ERC2: variants seen among roughly 807,000 people sequenced by gnomAD.
The protein encoded by ERC2 is ELKS/RAB6-interacting/CAST family member 2.
ERC2 carries 42 observed loss-of-function variants against 114.8 expected under a neutral mutation model. The observed-to-expected ratio is 0.37, with a 90% CI of 0.29 to 0.47. ERC2 has a LOEUF of 0.47. ERC2 is among the 20% of genes least tolerant of loss of function. The pLI is 0.99. For synonymous variants in ERC2, 454 were observed against 425.5 expected, an observed-to-expected ratio of 1.07 and a Z score of -0.82; for missense variants, 939 against 1,150.7, an observed-to-expected ratio of 0.82 and a Z score of 2.66.
intron 3 of ERC2, among the ~76,000 whole-genome samples, chr3:56,227,452 T>C (rs116288106): frequency 0.022 from 3,354 of 151,082 alleles, 62 homozygotes; most frequent in Non-Finnish European, 0.034. Context: ...CCCTTTAGCA[T>C]GTGAAGGTCC....
At chr3:56,447,633 A>G (rs2062640663) in intron 1 of ERC2, among the ~76,000 whole-genome samples, 1 of 152,092 alleles carries the variant, frequency 6.6e-6, no homozygotes, top group East Asian at 1.9e-4. Context: ...TAGAGATTAT[A>G]TTATTTACAT....
intron 14 of ERC2, among the ~76,000 whole-genome samples, chr3:55,805,800 T>C (rs2059464986): frequency 6.6e-6 from 1 of 152,138 alleles, no homozygotes; most frequent in Non-Finnish European, 1.5e-5. Flanking sequence ...CTTGATACTT[T>C]CCTCCTAGTC....
intron 1 of ERC2, among the ~76,000 whole-genome samples, chr3:56,439,924 T>C (rs887546243): frequency 6.6e-6 from 1 of 152,210 alleles, no homozygotes; most frequent in African/African-American, 2.4e-5. Flanking sequence ...CCAGGAATTA[T>C]TGAGAATAAT....
intron 2 of ERC2, among the ~76,000 whole-genome samples, chr3:56,372,611 C>T (rs1172699200): frequency 6.6e-6 from 1 of 152,010 alleles, no homozygotes. Flanking sequence ...CCTGTTGTCC[C>T]CCGCTACTCA....
intron 1 of ERC2, among the ~76,000 whole-genome samples, chr3:56,438,688 T>A (rs2107417630): frequency 6.6e-6 from 1 of 152,358 alleles, no homozygotes; most frequent in Admixed American, 6.5e-5. Flanking sequence ...CTAGAAAAAG[T>A]GATGAAATCT....
intron 14 of ERC2, among the ~76,000 whole-genome samples, chr3:55,881,951 G>T (rs1576001812): frequency 6.6e-6 from 1 of 152,160 alleles, no homozygotes; most frequent in East Asian, 1.9e-4. Flanking sequence ...TCCAGCAGAG[G>T]AATAATAACT....
At chr3:56,245,162 A>G (rs1266776411) in intron 3 of ERC2, among the ~76,000 whole-genome samples, 4 of 151,328 alleles carry the variant, frequency 2.6e-5, no homozygotes, top group African/African-American at 9.7e-5. Context: ...TCATTGATAT[A>G]GTACTGTATT....
intron 12 of ERC2, among the ~76,000 whole-genome samples, chr3:55,951,143 G>A (rs2067472876): frequency 1.3e-5 from 2 of 152,182 alleles, no homozygotes; most frequent in South Asian, 2.1e-4. Flanking sequence ...TGGGAGATGG[G>A]ACTGCACAGG....
intron 2 of ERC2, among the ~76,000 whole-genome samples, chr3:56,386,077 A>C (rs1049835153): frequency 7.9e-5 from 12 of 152,148 alleles, no homozygotes; most frequent in Non-Finnish European, 1.6e-4. Context: ...TATGAATAAA[A>C]CAGATGACCC....
At chr3:56,423,957 C>T (rs762705129) in intron 2 of ERC2, among the ~76,000 whole-genome samples, 2 of 152,068 alleles carry the variant, frequency 1.3e-5, no homozygotes, top group Non-Finnish European at 2.9e-5. Flanking sequence ...CAATGGACTC[C>T]GAAACAACAA....
intron 15 of ERC2, among the ~76,000 whole-genome samples, chr3:55,716,690 A>C (rs2064139822): frequency 6.6e-6 from 1 of 152,166 alleles, no homozygotes; most frequent in African/African-American, 2.4e-5. Context: ...TCTGTGGATC[A>C]ACTGTCTGTC....
chr3:55,734,335 G>A (rs1172427951), intron 15 of ERC2, among the ~76,000 whole-genome samples: 1 of 152,128 alleles, frequency 6.6e-6, no homozygotes, highest in Non-Finnish European at 1.5e-5. Context: ...GAAAGAATAG[G>A]GAATGAAACC....
At chr3:56,205,190 T>C (rs1040094750) in intron 3 of ERC2, among the ~76,000 whole-genome samples, 7 of 152,172 alleles carry the variant, frequency 4.6e-5, no homozygotes, top group African/African-American at 1.4e-4. Flanking sequence ...CAGCAAGGAA[T>C]ATGATAACCA....
At chr3:56,418,811 C>A (rs1289200777) in intron 2 of ERC2, among the ~76,000 whole-genome samples, 2 of 152,160 alleles carry the variant, frequency 1.3e-5, no homozygotes, top group African/African-American at 4.8e-5. Flanking sequence ...CCCAACTCCC[C>A]CATCCCAAAC....
At chr3:56,006,580 C>G (rs2072510306) in intron 10 of ERC2, among the ~76,000 whole-genome samples, 1 of 152,024 alleles carries the variant, frequency 6.6e-6, no homozygotes, top group Non-Finnish European at 1.5e-5. Flanking sequence ...ACAAAAATGT[C>G]TGGGTCAGAG....
intron 17 of ERC2, among the ~76,000 whole-genome samples, chr3:55,541,981 G>A (rs150670138): frequency 2.0e-4 from 30 of 152,252 alleles, no homozygotes; most frequent in East Asian, 1.4e-3. Flanking sequence ...TTTTCCAAGC[G>A]CTGTGAAAAG....
intron 16 of ERC2, 31 bp from the exon 17 acceptor site, chr3:55,683,890 A>G: frequency 1.2e-6 from 2 of 1,609,094 alleles, no homozygotes; most frequent in African/African-American, 1.3e-5. Flanking sequence ...GGAGGTGCAC[A>G]GAGAGGAGGG....
At chr3:55,800,521 G>A (rs12487362) in intron 14 of ERC2, among the ~76,000 whole-genome samples, 21,938 of 152,044 alleles carry the variant, frequency 0.14, 1,778 homozygotes, top group East Asian at 0.23. Context: ...AAAAGACAAT[G>A]CTCATGATAG....
chr3:56,310,491 G>A (rs1280614090), intron 2 of ERC2, among the ~76,000 whole-genome samples: 1 of 152,150 alleles, frequency 6.6e-6, no homozygotes, highest in Non-Finnish European at 1.5e-5. Flanking sequence ...TTTCAGAATT[G>A]TAAGATGTCT....
Sources: allele counts gnomAD v4.1 joint callset (sites outside exome capture counted in the v4.1 genomes callset), GRCh38; gene constraint gnomAD v4.1.1; transcripts MANE v1.5; gene names NCBI Gene and HGNC (gene_info 2026-07-23, HGNC 2026-07-21).